Variants in HTRA3 observed in about 807,000 individuals in gnomAD.
HTRA3 encodes HtrA serine peptidase 3, also known as serine protease HTRA3.
A neutral mutation model predicts 43.2 loss-of-function variants in HTRA3; 41 were observed. The ratio of observed to expected loss-of-function variants is 0.95; its 90% CI spans 0.74 to 1.23. The LOEUF (loss-of-function observed/expected upper bound fraction) is 1.23, where lower values mean the gene tolerates loss of function less well. Among genes scored for constraint, HTRA3 ranks in the 50% most tolerant of loss-of-function variants. HTRA3 has a pLI of 0.00. For synonymous variants in HTRA3, 295 were observed against 287.9 expected, an observed-to-expected ratio of 1.02 and a Z score of -0.25; for missense variants, 628 against 647.1, an observed-to-expected ratio of 0.97 and a Z score of 0.32.
At chr4:8,302,037 A>T (rs1021530588) in intron 6 of HTRA3, among the ~76,000 whole-genome samples, 3 of 152,170 alleles carry the variant, frequency 2.0e-5, no homozygotes, top group African/African-American at 7.2e-5. Flanking sequence ...CTCACTGGAC[A>T]TTAGCAGCGA....
Position 8,286,161 on chromosome 4 carries a change from G to A in HTRA3, c.486-400G>A, listed in dbSNP as rs889514800. ...CCATTTCCCAAATGGGGAGACCAAGGCTCAGAGAGCTTCACTGACCTGCCC... is the reference window on the plus strand; with the variant it reads ...CCATTTCCCAAATGGGGAGACCAAGACTCAGAGAGCTTCACTGACCTGCCC... On this transcript the variant is annotated intron_variant, in intron 2 of 8. Coordinates refer to ENST00000307358, the MANE Select transcript of HTRA3 (RefSeq NM_053044.5). This position sits in a 1 kb window ranked among gnomAD's most constrained non-coding sequence, Gnocchi z 4.9. Among the ~76,000 whole-genome samples, 1 of 152,202 alleles carries A rather than the reference G, an allele frequency of 6.6e-6. No homozygotes were observed. The highest frequency in any genetic ancestry group is 2.4e-5 in the African/African-American group (1 of 41,458).
chr4:8,281,213 C>T (rs1253258854), intron 1 of HTRA3, among the ~76,000 whole-genome samples: 1 of 152,220 alleles, frequency 6.6e-6, no homozygotes, highest in African/African-American at 2.4e-5. Context: ...ACAGTGGCAT[C>T]CACCATGGTA....
At chr4:8,288,964 T>C (rs1483874979) in intron 3 of HTRA3, among the ~76,000 whole-genome samples, 1 of 145,322 alleles carries the variant, frequency 6.9e-6, no homozygotes, top group Non-Finnish European at 1.5e-5. Flanking sequence ...CTCTCTTTTT[T>C]TTTTTTTCAG....
chr4:8,290,958 C>T (rs1713211500), intron 3 of HTRA3, among the ~76,000 whole-genome samples: 1 of 152,226 alleles, frequency 6.6e-6, no homozygotes, highest in Non-Finnish European at 1.5e-5. Context: ...GCAGATCTCT[C>T]TCCATCAAAT....
chr4:8,270,021 G>A lies in HTRA3; in HGVS notation c.53G>A (p.Arg18Gln), dbSNP rs961553255. The change falls in exon 1 of 9, where the codon CGG becomes CAG. Residue 18 changes from arginine to glutamine, a missense_variant. Coordinates refer to ENST00000307358, the MANE Select transcript of HTRA3 (RefSeq NM_053044.5). The part of the protein sequence containing the change: ...LAALAALALA[R>Q]EPPAAPCPAR... The stretch of plus-strand genomic sequence containing the variant: ...GCGTTGGCCGCGCTGGCGCTGGCCC[G>A]GGAGCCCCCTGCGGCGCCGTGTCCC... 10 of 1,326,930 alleles carry A rather than the reference G, an allele frequency of 7.5e-6. No individual in the cohort carries two copies. The highest frequency in any genetic ancestry group is 3.2e-5 in the East Asian group (1 of 31,430). The allele number at this position is 1,326,930 out of a possible 1,614,324, so 82.2% of individuals were successfully genotyped here. A position where few individuals can be genotyped will look rare whatever the true frequency, so the allele number is the denominator to read the frequency against.
In HTRA3 at chr4:8,306,329, C is replaced by CCGGTG. The variant is rs1713849154; in HGVS notation, c.*195_*199dup. The stretch of plus-strand genomic sequence containing the variant: ...GCCTGGGGAGTGTTGGATCCACATC[C>CCGGTG]CGGTGCCGGGGAGGGAAGCCCAACA... On this transcript the variant is annotated 3_prime_UTR_variant, in exon 9 of 9. Transcript: ENST00000307358. This position sits in a 1 kb window ranked among gnomAD's most constrained non-coding sequence, Gnocchi z 8.9. The CCGGTG allele has an allele frequency of 3.5e-6, 2 of 572,916 alleles. No individual in the cohort carries two copies. Among genetic ancestry groups the CCGGTG allele is most frequent in the Non-Finnish European group, 6.0e-6 (2 of 333,408 alleles). The allele number at this position is 572,916 out of a possible 1,614,324, so 35.5% of individuals were successfully genotyped here. A position where few individuals can be genotyped will look rare whatever the true frequency, so the allele number is the denominator to read the frequency against.
intron 1 of HTRA3, among the ~76,000 whole-genome samples, chr4:8,282,158 C>T (rs564790213): frequency 6.6e-6 from 1 of 152,304 alleles, no homozygotes; most frequent in South Asian, 2.1e-4. Context: ...AGCCTCCTGC[C>T]CAGCCTAGCA....
At position 8,291,580 on chromosome 4, in the gene HTRA3, A is replaced by G. The variant is rs1335750180; in HGVS notation, c.903+16A>G. 6.5e-7 allele frequency: 1 copy of G among 1,539,660 alleles called. No homozygotes were observed. Among genetic ancestry groups the G allele is most frequent in the Admixed American group, 1.9e-5 (1 of 51,654 alleles). On this transcript the variant is annotated intron_variant, in intron 4 of 8. Transcript: ENST00000307358. Reference sequence around the variant, plus strand: ...CATCATCAACGTGAGTCCCAGGGACAGGAGGCCGGGGCACCTGCCATCTGT... The same window carrying G: ...CATCATCAACGTGAGTCCCAGGGACGGGAGGCCGGGGCACCTGCCATCTGT...
chr4:8,298,532 A>C (rs1368925740), intron 6 of HTRA3, among the ~76,000 whole-genome samples: 1 of 150,592 alleles, frequency 6.6e-6, no homozygotes, highest in Non-Finnish European at 1.5e-5. Flanking sequence ...TTTTTTTTTA[A>C]TTTGTCATGC....
In HTRA3 at chr4:8,296,608, C is replaced by A; in HGVS notation, c.1051+2407C>A. On this transcript the variant is annotated intron_variant, in intron 6 of 8. Coordinates refer to ENST00000307358, the MANE Select transcript of HTRA3 (RefSeq NM_053044.5). This position sits in a 1 kb window ranked among gnomAD's most constrained non-coding sequence, Gnocchi z 5.3. ...GGGCTTTCAGGGTAAAGAGTGGCCACCATGCATGTTGGGGGAGCCCCAGGA... is the reference window on the plus strand; with the variant it reads ...GGGCTTTCAGGGTAAAGAGTGGCCAACATGCATGTTGGGGGAGCCCCAGGA... 2.4e-6 allele frequency: 2 copies of A among 845,598 alleles called. No individual in the cohort carries two copies. Among genetic ancestry groups the A allele is most frequent in the Non-Finnish European group, 2.8e-6 (2 of 702,644 alleles). The allele number at this position is 845,598 out of a possible 1,614,324, so 52.4% of individuals were successfully genotyped here. A position where few individuals can be genotyped will look rare whatever the true frequency, so the allele number is the denominator to read the frequency against.
intron 6 of HTRA3, among the ~76,000 whole-genome samples, chr4:8,301,234 ATTATTGATTCACACTCAGCT>A (rs71175474): frequency 0.3 from 44,254 of 147,780 alleles, 6,733 homozygotes; most frequent in Middle Eastern, 0.43. Context: ...AGACATCTTT[ATTATTGATTCACACTCAGCT>A]TTATTGATTC....
chr4:8,304,622 G>A (rs4696803), intron 8 of HTRA3, among the ~76,000 whole-genome samples: 40,862 of 140,872 alleles, frequency 0.29, 6,716 homozygotes, highest in East Asian at 0.63. Context: ...TCATTGTAAA[G>A]TGGAGATAAT....
At chr4:8,291,931 G>C (rs1713259464) in intron 4 of HTRA3, among the ~76,000 whole-genome samples, 2 of 152,228 alleles carry the variant, frequency 1.3e-5, no homozygotes, top group Admixed American at 1.3e-4. Flanking sequence ...ACTTCACCCA[G>C]ATGCCCCAGA....
rs1560144635 is a variant in HTRA3 at position 8,304,644 on chromosome 4, T to TTTTTTGTG, written c.1196+370_1196+371insGTGTTTTT. Among the ~76,000 whole-genome samples the TTTTTTGTG allele has an allele frequency of 5.4e-4, 4 of 7,472 alleles. 1 individual carries two copies. Among genetic ancestry groups the TTTTTTGTG allele is most frequent in the Admixed American group, 4.2e-3 (3 of 714 alleles). The allele number at this position is 7,472 out of a possible 152,430, so 4.9% of individuals were successfully genotyped here. On this transcript the variant is annotated intron_variant, in intron 8 of 8. Transcript: ENST00000307358. Reference sequence around the variant, plus strand: ...AAAGTGGAGATAATTCAGCCTATTGTTTTTTTTTTTTTTTTTTTTTTTTTT... The same window carrying TTTTTTGTG: ...AAAGTGGAGATAATTCAGCCTATTGTTTTTTGTGTTTTTTTTTTTTTTTTTTTTTTTTT...
At chr4:8,275,870 C>T (rs932408442) in intron 1 of HTRA3, among the ~76,000 whole-genome samples, 1 of 152,258 alleles carries the variant, frequency 6.6e-6, no homozygotes, top group Non-Finnish European at 1.5e-5. Flanking sequence ...CTGCCCTGAG[C>T]CCAGGTCCCC....
chr4:8,288,282 C>T (rs940087285), intron 3 of HTRA3, among the ~76,000 whole-genome samples: 6 of 151,962 alleles, frequency 3.9e-5, no homozygotes, highest in Non-Finnish European at 8.8e-5. Flanking sequence ...ATTTTCTTTT[C>T]TTTTTTTTGA....
At chr4:8,280,455 C>G (rs567280334) in intron 1 of HTRA3, among the ~76,000 whole-genome samples, 1 of 152,316 alleles carries the variant, frequency 6.6e-6, no homozygotes, top group South Asian at 2.1e-4. Context: ...TTCCTCTCTA[C>G]TTGGGTGCTA....
Position 8,302,503 on chromosome 4 carries a change from C to G in HTRA3, c.1092C>G (p.Ile364Met). The G allele has an allele frequency of 6.2e-7, 1 of 1,614,042 alleles. No homozygotes were observed. The highest frequency in any genetic ancestry group is 1.3e-5 in the African/African-American group (1 of 75,008). The change falls in exon 7 of 9, where the codon ATC (isoleucine) becomes ATG (methionine). Residue 364 changes from isoleucine to methionine, a missense_variant. Transcript: ENST00000307358. ...TCATCGGCATACGGATGCGGACGAT[C>G]ACACCAAGGTGAGTGTCTGAAGAGT... The part of the protein sequence containing the change: ...KRFIGIRMRT[I>M]TPSLVDELKA...
rs375481217 is a variant in HTRA3 at position 8,282,562 on chromosome 4, C to T, written c.485+26C>T. The T allele has an allele frequency of 1.6e-5, 25 of 1,561,124 alleles. No individual in the cohort carries two copies. The African/African-American group carries it at 3.0e-4, about 19-fold the overall frequency. ...GTGGGTGAATACCCCTCGCCCCTCT[C>T]TGCCTCCTGGTGTCCCCTGGTACAC... On this transcript the variant is annotated intron_variant, in intron 2 of 8. Coordinates refer to ENST00000307358, the MANE Select transcript of HTRA3 (RefSeq NM_053044.5).
Sources: gnomAD v4.1 joint callset for allele counts (sites outside exome capture counted in the v4.1 genomes callset) on GRCh38, gnomAD v4.1.1 for gene constraint, Gnocchi (gnomAD v3.1) non-coding constraint, MANE v1.5 for transcripts, NCBI Gene and HGNC (gene_info 2026-07-23, HGNC 2026-07-21) for gene names.